ACTA2: variants seen among roughly 807,000 people sequenced by gnomAD.
The protein encoded by ACTA2 is actin alpha 2, smooth muscle, also known as actin, aortic smooth muscle.
In ACTA2, 12 loss-of-function variants were observed where a neutral mutation model predicts 39.5. The ratio of observed to expected loss-of-function variants is 0.30; its 90% CI spans 0.19 to 0.49. The LOEUF is 0.49. Ranked by LOEUF, ACTA2 falls within the 20% of genes least tolerant of loss-of-function variation. The pLI, the probability that ACTA2 is intolerant of heterozygous loss-of-function variation, is 0.99. For synonymous variants in ACTA2, 158 were observed against 180.6 expected (o/e 0.88, Z 1.00); for missense variants, 236 against 498.8 (o/e 0.47, Z 5.02).
chr10:88,982,277 G>C (rs1187802161), intron 1 of ACTA2, among the ~76,000 whole-genome samples: 1 of 152,096 alleles, frequency 6.6e-6, no homozygotes, highest in African/African-American at 2.4e-5. Flanking sequence ...CCCACTAAAT[G>C]GTACCTGGCT....
intron 1 of ACTA2, among the ~76,000 whole-genome samples, chr10:88,978,809 T>C (rs1167882402): frequency 6.6e-6 from 1 of 152,150 alleles, no homozygotes; most frequent in Non-Finnish European, 1.5e-5. Flanking sequence ...TGGTAATTTC[T>C]CCAAAAAGCC....
rs7079111 is a variant in ACTA2, at chr10:88,991,225, T to G, written c.-310A>C. The G allele has an allele frequency of 0.89, 464,538 of 524,120 alleles. 206,463 individuals carry two copies. Among genetic ancestry groups the G allele is most frequent in the East Asian group, 0.99 (30,424 of 30,606 alleles). 32.5% of individuals were successfully genotyped at this position (524,120 alleles called of 1,614,324 possible). Reference sequence around the variant, plus strand: ...GCTCCACGTTGAGGTGGGCGTGGGGTGCGGACAGGAATTGAAGCGGAAGTC... The same window carrying G: ...GCTCCACGTTGAGGTGGGCGTGGGGGGCGGACAGGAATTGAAGCGGAAGTC... On this transcript the variant is annotated 5_prime_UTR_variant, in exon 1 of 5. Coordinates refer to the ACTA2 transcript ENST00000415557.
At chr10:88,941,154 G>T in intron 6 of ACTA2, 75 bp downstream of exon 6, 1 of 1,578,490 alleles carries the variant, frequency 6.3e-7, no homozygotes, top group South Asian at 1.1e-5. Context: ...CATCTCCTTG[G>T]ATAGTGAGGA....
chr10:88,939,288 G>GTATTAA, intron 7 of ACTA2: 1 of 606,182 alleles, frequency 1.6e-6, no homozygotes, highest in Non-Finnish European at 2.9e-6. Context: ...AATGCTTTGG[G>GTATTAA]CTTAACTGCA....
At chr10:88,973,221 T>C in intron 1 of ACTA2, 1 of 1,612,650 alleles carries the variant, frequency 6.2e-7, no homozygotes, top group Non-Finnish European at 8.5e-7. Flanking sequence ...TGGCACTGCT[T>C]TGGAGATGGA....
intron 1 of ACTA2, chr10:88,973,057 A>ACC (rs1846485467): frequency 6.3e-6 from 7 of 1,106,070 alleles, no homozygotes; most frequent in Admixed American, 2.6e-5. Flanking sequence ...TTAAAAGCTA[A>ACC]CCTTGTAAGT....
At chr10:88,942,536 A>G (rs953112696) in intron 4 of ACTA2, among the ~76,000 whole-genome samples, 8 of 152,152 alleles carry the variant, frequency 5.3e-5, no homozygotes, top group Admixed American at 1.3e-4. Flanking sequence ...GACCAGCCCA[A>G]TGGTAATAGA....
chr10:88,974,510 CAGTT>C (rs1846520451), intron 1 of ACTA2: 1 of 152,086 alleles, frequency 6.6e-6, no homozygotes, highest in Admixed American at 6.5e-5. Flanking sequence ...CCAGTGAGAT[CAGTT>C]ATTTATTTAT....
At chr10:88,941,720 C>A (rs79127111) in intron 5 of ACTA2, 65 bp downstream of exon 5, 10 of 1,437,044 alleles carry the variant, frequency 7.0e-6, no homozygotes, top group Non-Finnish European at 9.7e-6. Flanking sequence ...CACGTGTTAA[C>A]GACCATTCAA....
intron 1 of ACTA2, among the ~76,000 whole-genome samples, chr10:88,965,372 A>T (rs1187810475): frequency 6.6e-6 from 1 of 152,172 alleles, no homozygotes; most frequent in Non-Finnish European, 1.5e-5. Context: ...ACCATCTCAG[A>T]CGTTGTTAGT....
At chr10:88,987,077 A>G (rs199760058) in intron 1 of ACTA2, among the ~76,000 whole-genome samples, 2 of 152,164 alleles carry the variant, frequency 1.3e-5, no homozygotes, top group Non-Finnish European at 1.5e-5. Context: ...GAACCCATAC[A>G]TATTTCTATT....
At chr10:88,967,079 G>A (rs1216589576) in intron 1 of ACTA2, among the ~76,000 whole-genome samples, 1 of 152,154 alleles carries the variant, frequency 6.6e-6, no homozygotes, top group East Asian at 1.9e-4. Context: ...AAAAGAAAGT[G>A]AACAGGAAGA....
intron 1 of ACTA2, among the ~76,000 whole-genome samples, chr10:88,960,812 T>A (rs891183040): frequency 6.6e-6 from 1 of 152,204 alleles, no homozygotes; most frequent in African/African-American, 2.4e-5. Context: ...AGTGGATTCC[T>A]TGAACTAGTA....
intron 1 of ACTA2, among the ~76,000 whole-genome samples, chr10:88,983,334 G>C (rs1846758676): frequency 6.6e-6 from 1 of 152,070 alleles, no homozygotes; most frequent in Admixed American, 6.6e-5. Context: ...AATATGACAA[G>C]AGTATGGTTT....
intron 1 of ACTA2, among the ~76,000 whole-genome samples, chr10:88,951,562 T>C (rs1846050335): frequency 6.6e-6 from 1 of 152,088 alleles, no homozygotes; most frequent in African/African-American, 2.4e-5. Context: ...AAAGGAGCAC[T>C]GTCATTGAAG....
At chr10:88,953,817 C>G (rs970753243), upstream of ACTA2, among the ~76,000 whole-genome samples, 19 of 152,180 alleles carry the variant, frequency 1.2e-4, no homozygotes, top group Admixed American at 1.2e-3. Context: ...CTCTTGCTTG[C>G]TCTCTCTCGC....
At chr10:88,989,655 C>A in intron 1 of ACTA2, 1 of 483,118 alleles carries the variant, frequency 2.1e-6, no homozygotes. Context: ...GATTTGAGGG[C>A]CCAAACAGGC....
intron 1 of ACTA2, among the ~76,000 whole-genome samples, chr10:88,964,287 T>C (rs1040561750): frequency 1.3e-5 from 2 of 152,090 alleles, no homozygotes; most frequent in African/African-American, 4.8e-5. Flanking sequence ...AGGCTTCACG[T>C]ATATATGGGA....
chr10:88,991,096 G>T, exon 1 of ACTA2: 1 of 696,874 alleles, frequency 1.4e-6, no homozygotes, highest in South Asian at 1.7e-5. Context: ...CCTCAGGCCC[G>T]GGTGCTCAGA....
Sources: allele counts gnomAD v4.1 joint callset (sites outside exome capture counted in the v4.1 genomes callset), GRCh38; gene constraint gnomAD v4.1.1; transcripts MANE v1.5; gene names NCBI Gene and HGNC (gene_info 2026-07-23, HGNC 2026-07-21).